ZNF223: variants seen among roughly 807,000 people sequenced by gnomAD.
ZNF223 encodes the protein Homo sapiens zinc finger protein 223.
Under a neutral mutation model 12.3 loss-of-function variants are expected in ZNF223, and 9 were observed. The ratio of observed to expected loss-of-function variants is 0.73; its 90% CI spans 0.44 to 1.28. The LOEUF is 1.28. ZNF223 is among the 50% of genes most tolerant of loss of function. The pLI is 0.00. For synonymous variants in ZNF223, 171 were observed against 195.2 expected, an observed-to-expected ratio of 0.88 and a Z score of 1.03; for missense variants, 506 against 579.0, an observed-to-expected ratio of 0.87 and a Z score of 1.29.
rs137890683 is a variant in ZNF223, at chr19:44,061,366, A to G, written c.235+525A>G. Among the ~76,000 whole-genome samples, 560 of 152,330 alleles carry G rather than the reference A, an allele frequency of 3.7e-3. 2 individuals carry two copies. The highest frequency in any genetic ancestry group is 0.013 in the African/African-American group (530 of 41,576). Reference sequence around the variant, plus strand: ...TGACACATCTCACTGGGAAAAAATCAAGCTGTCTTAGGGCTTTGTTCCTTT... The same window carrying G: ...TGACACATCTCACTGGGAAAAAATCGAGCTGTCTTAGGGCTTTGTTCCTTT... On this transcript the variant is annotated intron_variant, in intron 4 of 4. Coordinates refer to ENST00000434772, the MANE Select transcript of ZNF223 (RefSeq NM_013361.6).
chr19:44,061,555 A>G (rs984782720), intron 4 of ZNF223, among the ~76,000 whole-genome samples: 5 of 152,176 alleles, frequency 3.3e-5, no homozygotes, highest in Non-Finnish European at 7.3e-5. Flanking sequence ...TCTTATGCCT[A>G]TGTCTTTCAC....
intron 1 of ZNF223, among the ~76,000 whole-genome samples, chr19:44,054,728 G>A (rs1976743379): frequency 6.6e-6 from 1 of 152,104 alleles, no homozygotes; most frequent in South Asian, 2.1e-4. Flanking sequence ...CTCAAATTTA[G>A]AACAACTGCT....
At position 44,067,360 on chromosome 19, in the gene ZNF223, C is replaced by T. The variant is rs886142500; in HGVS notation, c.*83C>T. 7.6e-7 allele frequency: 1 copy of T among 1,307,888 alleles called. No individual in the cohort carries two copies. The highest frequency in any genetic ancestry group is 1.1e-6 in the Non-Finnish European group (1 of 930,544). 81.0% of individuals were successfully genotyped at this position (1,307,888 alleles called of 1,614,324 possible). ...AATGATCAAATCAGTGTAATTAGCACATTTATCACCTCAATTATCTCTTTT... is the reference window on the plus strand; with the variant it reads ...AATGATCAAATCAGTGTAATTAGCATATTTATCACCTCAATTATCTCTTTT... On this transcript the variant is annotated 3_prime_UTR_variant, in exon 5 of 5. Coordinates refer to ENST00000434772, the MANE Select transcript of ZNF223 (RefSeq NM_013361.6).
rs374313638 is a variant in ZNF223 at position 44,066,175 on chromosome 19, A to G, written c.347A>G (p.Asp116Gly). The G allele has an allele frequency of 3.7e-6, 6 of 1,613,874 alleles. No individual in the cohort carries two copies. Among genetic ancestry groups the G allele is most frequent in the Non-Finnish European group, 5.1e-6 (6 of 1,180,002 alleles). The change falls in exon 5 of 5, where the codon GAC (aspartate) becomes GGC (glycine). Residue 116 changes from aspartate (D) to glycine (G), a missense_variant. Coordinates refer to ENST00000434772, the MANE Select transcript of ZNF223 (RefSeq NM_013361.6). Reference protein sequence around the residue: ...EIASDLTRPQDSTIKSSQFFE... With the variant: ...EIASDLTRPQGSTIKSSQFFE... ...GCAAGTGATTTAACCAGGCCTCAAG[A>G]CTCTACCATAAAGAGCTCTCAGTTC... is the stretch of plus-strand genomic sequence containing the variant.
rs1391978370 is a variant in ZNF223 at position 44,066,208 on chromosome 19, A to G, written c.380A>G (p.Gln127Arg). The change falls in exon 5 of 5, where the codon CAG becomes CGG. Residue 127 changes from glutamine (Q) to arginine (R), a missense_variant. Gln to Arg is a conservative substitution (Grantham distance 43). Coordinates refer to ENST00000434772, the MANE Select transcript of ZNF223 (RefSeq NM_013361.6). The stretch of plus-strand genomic sequence containing the variant: ...ATAAAGAGCTCTCAGTTCTTTGAAC[A>G]GGGTGATGCCCACTCCCAGGTTGAG... ...STIKSSQFFE[Q>R]GDAHSQVEEG... 1.2e-6 allele frequency: 2 copies of G among 1,614,094 alleles called. No homozygotes were observed. The highest frequency in any genetic ancestry group is 1.7e-5 in the Admixed American group (1 of 59,998).
At chr19:44,056,361 C>CAA (rs1227362311) in intron 2 of ZNF223, among the ~76,000 whole-genome samples, 1,317 of 78,790 alleles carry the variant, frequency 0.017, 17 homozygotes, top group Middle Eastern at 0.064. Flanking sequence ...ACTAAAAATA[C>CAA]AAAAAAAAAA....
At chr19:44,064,307 C>T (rs1488533411) in intron 4 of ZNF223, among the ~76,000 whole-genome samples, 2 of 152,090 alleles carry the variant, frequency 1.3e-5, no homozygotes, top group Non-Finnish European at 2.9e-5. Flanking sequence ...CTTTTCATTC[C>T]AAGTGATTCT....
rs527811978 is a variant in ZNF223, at chr19:44,067,447, A to G, written c.*170A>G. ...GTTTGAAAATAAATTGTTGTCGATGATAGTCACCTTTAGTGCTGCAGAACA... is the reference window on the plus strand; with the variant it reads ...GTTTGAAAATAAATTGTTGTCGATGGTAGTCACCTTTAGTGCTGCAGAACA... On this transcript the variant is annotated 3_prime_UTR_variant, in exon 5 of 5. Transcript: ENST00000434772. The G allele has an allele frequency of 1.6e-5, 14 of 857,496 alleles. 1 individual carries two copies. The Admixed American group carries it at 2.6e-4, about 16-fold the overall frequency. 53.1% of individuals were successfully genotyped at this position (857,496 alleles called of 1,614,324 possible).
intron 4 of ZNF223, among the ~76,000 whole-genome samples, chr19:44,063,908 A>T (rs911089897): frequency 6.6e-6 from 1 of 152,208 alleles, no homozygotes; most frequent in Non-Finnish European, 1.5e-5. Flanking sequence ...GAGTTTGGCT[A>T]GGTATACTGA....
At chr19:44,054,891 T>C (rs1220052112) in intron 1 of ZNF223, among the ~76,000 whole-genome samples, 1 of 152,226 alleles carries the variant, frequency 6.6e-6, no homozygotes, top group Non-Finnish European at 1.5e-5. Flanking sequence ...ATTTCATTCC[T>C]TTACATTTCC....
Position 44,066,993 on chromosome 19 carries a change from T to G in ZNF223, c.1165T>G (p.Leu389Val). ...CTACATTACTAAGTCAGGTCTTGACTTGCACCATAGAGCCCACACAGGAGA... is the reference window on the plus strand; with the variant it reads ...CTACATTACTAAGTCAGGTCTTGACGTGCACCATAGAGCCCACACAGGAGA... The part of the protein sequence containing the change: ...KSYITKSGLD[L>V]HHRAHTGERP... The change falls in exon 5 of 5, where the codon TTG (leucine) becomes GTG (valine). Residue 389 changes from leucine to valine, a missense_variant. By Grantham distance (32) the Leu-to-Val change is conservative (BLOSUM62 1). Transcript: ENST00000434772. 6.2e-7 allele frequency: 1 copy of G among 1,612,984 alleles called. No individual in the cohort carries two copies. The highest frequency in any genetic ancestry group is 8.5e-7 in the Non-Finnish European group (1 of 1,179,176).
In ZNF223 at chr19:44,060,220, T is replaced by C. The variant is rs983080256; in HGVS notation, c.16-235T>C. 3 of 637,570 alleles carry C rather than the reference T, an allele frequency of 4.7e-6. No homozygotes were observed. In the African/African-American group the frequency reaches 5.5e-5, roughly 12 times the overall value. 39.5% of individuals were successfully genotyped at this position (637,570 alleles called of 1,614,324 possible). ...GCTACATACAAGTAAACTCAATGAGTTCACTAAATAAGACCACAAGACTTC... is the reference window on the plus strand; with the variant it reads ...GCTACATACAAGTAAACTCAATGAGCTCACTAAATAAGACCACAAGACTTC... On this transcript the variant is annotated intron_variant, in intron 2 of 4. Transcript: ENST00000434772.
chr19:44,058,016 A>C (rs1364117011), intron 2 of ZNF223, among the ~76,000 whole-genome samples: 2 of 152,136 alleles, frequency 1.3e-5, no homozygotes. Flanking sequence ...CCCCACTTGC[A>C]CCAGAGCTGA....
upstream of ZNF223, chr19:44,052,010 C>G (rs1018505245): frequency 6.6e-6 from 1 of 152,190 alleles, no homozygotes; most frequent in African/African-American, 2.4e-5. Context: ...GACACTCTGG[C>G]GCAGAGAGGA....
rs551539429 is a variant in ZNF223, at chr19:44,059,540, G to A, written c.16-915G>A. Among the ~76,000 whole-genome samples the A allele has an allele frequency of 2.0e-5, 3 of 152,330 alleles. No individual in the cohort carries two copies. In the South Asian group the frequency reaches 6.2e-4, roughly 32 times the overall value. ...TGGAACACTTAGCCAGGTGACATGAGGTGACTGCAGCTTGAGATAAGGAAT... is the reference window on the plus strand; with the variant it reads ...TGGAACACTTAGCCAGGTGACATGAAGTGACTGCAGCTTGAGATAAGGAAT... On this transcript the variant is annotated intron_variant, in intron 2 of 4. Transcript: ENST00000434772.
chr19:44,061,858 C>T (rs1976843451), intron 4 of ZNF223, among the ~76,000 whole-genome samples: 1 of 152,218 alleles, frequency 6.6e-6, no homozygotes, highest in Non-Finnish European at 1.5e-5. Context: ...ATGCAGGTGT[C>T]TGCTGAGTTT....
At chr19:44,062,205 T>C (rs1192069914) in intron 4 of ZNF223, among the ~76,000 whole-genome samples, 3 of 152,194 alleles carry the variant, frequency 2.0e-5, no homozygotes, top group African/African-American at 4.8e-5. Flanking sequence ...TTGGAAGCCA[T>C]AGGGGTTTGA....
chr19:44,057,877 G>A lies in ZNF223; in HGVS notation c.16-2578G>A, dbSNP rs180911790. Among the ~76,000 whole-genome samples the A allele has an allele frequency of 1.9e-3, 282 of 152,336 alleles. 3 individuals carry two copies. The highest frequency in any genetic ancestry group is 0.015 in the Admixed American group (237 of 15,306). On this transcript the variant is annotated intron_variant, in intron 2 of 4. Transcript: ENST00000434772. ...GGACAGAACACATTCACACGCAACA[G>A]ATTGCATGAAGCAGATTTATTACTA...
intron 4 of ZNF223, among the ~76,000 whole-genome samples, chr19:44,061,853 G>A (rs1976843321): frequency 6.6e-6 from 1 of 152,184 alleles, no homozygotes; most frequent in Non-Finnish European, 1.5e-5. Flanking sequence ...AGTTTATGCA[G>A]GTGTCTGCTG....
Sources: allele counts gnomAD v4.1 joint callset (sites outside exome capture counted in the v4.1 genomes callset), GRCh38; gene constraint gnomAD v4.1.1; transcripts MANE v1.5; gene names NCBI Gene and HGNC (gene_info 2026-07-23, HGNC 2026-07-21).